The following EDIL3 variants were observed in gnomAD, a reference collection of about 807,000 sequenced individuals.
The protein encoded by EDIL3 is EGF-like repeat and discoidin I-like domain-containing protein 3.
A neutral mutation model predicts 67.4 loss-of-function variants in EDIL3; 37 were observed. That is an observed-to-expected ratio of 0.55 (90% CI 0.42 to 0.72). The LOEUF (loss-of-function observed/expected upper bound fraction) is 0.72. EDIL3 is among the 30% of genes least tolerant of loss of function. The probability of loss-of-function intolerance (pLI) is 0.00; values close to 1 mark genes in which losing one functional copy is unlikely to be tolerated. For missense variants in EDIL3, 527 were observed against 586.3 expected (o/e 0.90, Z 1.04); for synonymous variants, 195 against 196.3 (o/e 0.99, Z 0.05).
At chr5:84,189,876 A>G (rs1024772377) in intron 3 of EDIL3, among the ~76,000 whole-genome samples, 1 of 152,070 alleles carries the variant, frequency 6.6e-6, no homozygotes. Context: ...TGACAAAAAC[A>G]ATGTTGCTGC....
chr5:84,200,463 C>T (rs566828842), intron 3 of EDIL3, among the ~76,000 whole-genome samples: 89 of 151,718 alleles, frequency 5.9e-4, no homozygotes, highest in African/African-American at 2.0e-3. Flanking sequence ...AAAGTAACAC[C>T]ATAAGTTTTG....
chr5:83,999,573 G>C (rs1434246691), intron 9 of EDIL3, among the ~76,000 whole-genome samples: 2 of 151,962 alleles, frequency 1.3e-5, no homozygotes, highest in Non-Finnish European at 2.9e-5. Context: ...TTGAAGACAG[G>C]CTTTATGAAG....
At chr5:84,121,255 T>A (rs1228120664) in intron 5 of EDIL3, among the ~76,000 whole-genome samples, 2 of 152,012 alleles carry the variant, frequency 1.3e-5, no homozygotes, top group Non-Finnish European at 2.9e-5. Context: ...TTCAGAAGCT[T>A]CTATCTGGAA....
At chr5:84,077,029 A>C (rs1035030630) in intron 6 of EDIL3, among the ~76,000 whole-genome samples, 1 of 152,248 alleles carries the variant, frequency 6.6e-6, no homozygotes, top group Non-Finnish European at 1.5e-5. Context: ...TTAATAAAAT[A>C]ATAGAATTAG....
intron 3 of EDIL3, among the ~76,000 whole-genome samples, chr5:84,195,183 T>G (rs979772710): frequency 1.3e-5 from 2 of 151,950 alleles, no homozygotes; most frequent in African/African-American, 4.8e-5. Flanking sequence ...CTATCTTTTC[T>G]TATTACCAAT....
At chr5:84,000,934 A>C (rs1266724754) in intron 9 of EDIL3, among the ~76,000 whole-genome samples, 2 of 151,974 alleles carry the variant, frequency 1.3e-5, no homozygotes, top group Non-Finnish European at 2.9e-5. Context: ...TTTTGAAACA[A>C]AAGAAAATGG....
intron 9 of EDIL3, among the ~76,000 whole-genome samples, chr5:84,008,414 C>T (rs1013411168): frequency 6.6e-6 from 1 of 151,864 alleles, no homozygotes; most frequent in South Asian, 2.1e-4. Flanking sequence ...CATATACACA[C>T]CTACTATGTA....
At chr5:84,214,412 C>G (rs922015314) in intron 3 of EDIL3, among the ~76,000 whole-genome samples, 1 of 151,940 alleles carries the variant, frequency 6.6e-6, no homozygotes, top group African/African-American at 2.4e-5. Flanking sequence ...CCCCCCGCCA[C>G]TTTACATCAT....
At chr5:84,213,585 AT>A (rs997223535) in intron 3 of EDIL3, among the ~76,000 whole-genome samples, 3 of 152,172 alleles carry the variant, frequency 2.0e-5, no homozygotes, top group African/African-American at 7.2e-5. Flanking sequence ...ATGTTGTAAC[AT>A]TTTAAATATT....
At chr5:83,970,647 A>G (rs1364974355) in intron 9 of EDIL3, among the ~76,000 whole-genome samples, 3 of 6,726 alleles carry the variant, frequency 4.5e-4, no homozygotes, top group Non-Finnish European at 7.8e-4. Flanking sequence ...ATCACAGTAT[A>G]TATATATATA....
chr5:84,074,923 A>C, intron 6 of EDIL3, among the ~76,000 whole-genome samples: 1 of 152,212 alleles, frequency 6.6e-6, no homozygotes, highest in East Asian at 1.9e-4. Context: ...GGCACTATTC[A>C]CAATAGCAAA....
intron 9 of EDIL3, among the ~76,000 whole-genome samples, chr5:84,030,733 C>T (rs1289072921): frequency 6.6e-6 from 1 of 152,084 alleles, no homozygotes; most frequent in East Asian, 1.9e-4. Flanking sequence ...CAATCACAGC[C>T]TAGTGAGTGG....
chr5:84,169,961 T>C lies in EDIL3; in HGVS notation c.355+10432A>G, dbSNP rs528426858. ...ATGCCTGTGTCACATTTTCATCATC[T>C]TTTTCTCCATTAATGAAGTTCTATG... On this transcript the variant is annotated intron_variant, in intron 4 of 10. Coordinates refer to ENST00000296591, the MANE Select transcript of EDIL3 (RefSeq NM_005711.5). Among the ~76,000 whole-genome samples, 21 of 152,328 alleles carry C rather than the reference T, an allele frequency of 1.4e-4. No individual in the cohort carries two copies. In the South Asian group the frequency reaches 1.5e-3, roughly 11 times the overall value.
chr5:84,294,373 A>G lies in EDIL3; in HGVS notation c.68-40161T>C, dbSNP rs191295304. ...GCACTCCAGCCTGGGTGACAGAGCG[A>G]GACTCTGTCTCAAAAAAAAAAAAAA... On this transcript the variant is annotated intron_variant, in intron 1 of 10. Transcript: ENST00000296591. Among the ~76,000 whole-genome samples the G allele has an allele frequency of 9.5e-3, 1,264 of 132,894 alleles. 19 individuals are homozygous for G. The highest frequency in any genetic ancestry group is 0.035 in the African/African-American group (1,205 of 34,000). 87.2% of individuals were successfully genotyped at this position (132,894 alleles called of 152,430 possible).
chr5:84,381,166 A>G lies in EDIL3; in HGVS notation c.67+3142T>C, dbSNP rs867406913. ...TTTAAGTCTTTTCCCAAAACCATAT[A>G]CATTTAAAACAAATACATTTTAATT... On this transcript the variant is annotated intron_variant, in intron 1 of 10. Coordinates refer to ENST00000296591, the MANE Select transcript of EDIL3 (RefSeq NM_005711.5). 1.7e-4 allele frequency among the ~76,000 whole-genome samples: 26 copies of G among 152,156 alleles called. 1 individual carries two copies. The highest frequency in any genetic ancestry group is 2.6e-4 in the Admixed American group (4 of 15,272).
rs78169184 is a variant in EDIL3 at position 84,193,750 on chromosome 5, T to C, written c.227-13229A>G. On this transcript the variant is annotated intron_variant, in intron 3 of 10. Coordinates refer to ENST00000296591, the MANE Select transcript of EDIL3 (RefSeq NM_005711.5). ...TGTGGTATTAATGAACAATTTAACA[T>C]GTACACATTGCATCATTTGGAATGA... Among the ~76,000 whole-genome samples the C allele has an allele frequency of 1.5e-4, 23 of 152,094 alleles. No homozygotes were observed. The East Asian group carries it at 4.3e-3, about 28-fold the overall frequency.
At chr5:84,363,407 G>A (rs1350853363) in intron 1 of EDIL3, among the ~76,000 whole-genome samples, 1 of 148,504 alleles carries the variant, frequency 6.7e-6, no homozygotes, top group African/African-American at 2.5e-5. Context: ...CCGAGATCGC[G>A]CCACTGCACT....
intron 1 of EDIL3, among the ~76,000 whole-genome samples, chr5:84,291,798 C>CAT (rs1206607687): frequency 6.8e-6 from 1 of 146,316 alleles, no homozygotes; most frequent in South Asian, 2.1e-4. Context: ...TATACACACA[C>CAT]ATATATATAC....
At chr5:83,970,014 T>G (rs1358526881) in intron 9 of EDIL3, among the ~76,000 whole-genome samples, 2 of 151,630 alleles carry the variant, frequency 1.3e-5, no homozygotes, top group African/African-American at 4.8e-5. Context: ...GTAATCTTAT[T>G]TCCTTTATCA....
Sources: allele counts gnomAD v4.1 joint callset (sites outside exome capture counted in the v4.1 genomes callset), GRCh38; gene constraint gnomAD v4.1.1; transcripts MANE v1.5; gene names NCBI Gene and HGNC (gene_info 2026-07-23, HGNC 2026-07-21).